Variants in MTMR3 observed in about 807,000 individuals in gnomAD.
MTMR3 encodes the protein myotubularin related protein 3.
In MTMR3, 32 loss-of-function variants were observed where a neutral mutation model predicts 132.4. The ratio of observed to expected loss-of-function variants is 0.24; its 90% confidence interval spans 0.18 to 0.32. The LOEUF (loss-of-function observed/expected upper bound fraction) is 0.32. MTMR3 is among the 10% of genes least tolerant of loss of function. MTMR3 has a pLI of 1.00. For synonymous variants in MTMR3, 556 were observed against 550.3 expected, an observed-to-expected ratio of 1.01 and a Z score of -0.14; for missense variants, 1,216 against 1,489.6, an observed-to-expected ratio of 0.82 and a Z score of 3.02.
intron 3 of MTMR3, among the ~76,000 whole-genome samples, chr22:29,977,152 C>T (rs1313657961): frequency 6.6e-6 from 1 of 152,058 alleles, no homozygotes; most frequent in African/African-American, 2.4e-5. Context: ...ATTAGCCTGG[C>T]ATGGTGGTGG....
At chr22:29,890,740 T>TA (rs1393758468) in intron 1 of MTMR3, among the ~76,000 whole-genome samples, 3 of 152,222 alleles carry the variant, frequency 2.0e-5, no homozygotes, top group Non-Finnish European at 1.5e-5. Context: ...CATCAGGACT[T>TA]ACTTCCATAG....
chr22:29,946,579 G>GA (rs1189728924), intron 1 of MTMR3, among the ~76,000 whole-genome samples: 1 of 152,192 alleles, frequency 6.6e-6, no homozygotes, highest in Non-Finnish European at 1.5e-5. Context: ...GAATCCGGAG[G>GA]AAATGATTTT....
At chr22:29,938,393 C>T (rs36594) in intron 1 of MTMR3, among the ~76,000 whole-genome samples, 119,035 of 152,212 alleles carry the variant, frequency 0.78, 46,981 homozygotes, top group East Asian at 0.91. Context: ...TGACTCATTC[C>T]TGAATTTCTC....
At position 29,970,957 on chromosome 22, in the gene MTMR3, TC is replaced by T; in HGVS notation, c.-84-18del. The T allele has an allele frequency of 7.8e-6, 2 of 256,388 alleles. No individual in the cohort carries two copies. The highest frequency in any genetic ancestry group is 5.2e-5 in the Admixed American group (1 of 19,276). 15.9% of individuals were successfully genotyped at this position (256,388 alleles called of 1,614,324 possible). The stretch of plus-strand genomic sequence containing the variant: ...CCTCTTTTTTTTTTCTTCTTCCCCC[TC>T]TTCCCCCCCACCCCCAGACTTCACC... On this transcript the variant is annotated intron_variant, in intron 2 of 19. Coordinates refer to ENST00000401950, the MANE Select transcript of MTMR3 (RefSeq NM_021090.4).
intron 1 of MTMR3, among the ~76,000 whole-genome samples, chr22:29,929,014 T>C (rs1351496246): frequency 6.6e-6 from 1 of 152,166 alleles, no homozygotes; most frequent in Non-Finnish European, 1.5e-5. Flanking sequence ...GCATGGTGGC[T>C]CATGCCTGTA....
At chr22:30,004,144 A>G (rs1484117313) in intron 9 of MTMR3, 4 of 152,230 alleles carry the variant, frequency 2.6e-5, no homozygotes, top group Non-Finnish European at 5.9e-5. Context: ...CTCAATTCTC[A>G]TCACTGTTGT....
At chr22:29,886,786 G>A (rs1039176917) in intron 1 of MTMR3, among the ~76,000 whole-genome samples, 1 of 152,178 alleles carries the variant, frequency 6.6e-6, no homozygotes, top group African/African-American at 2.4e-5. Flanking sequence ...TGCTTATGCT[G>A]TTGTAATTGG....
At chr22:29,962,124 T>G (rs547060844) in intron 2 of MTMR3, among the ~76,000 whole-genome samples, 68 of 152,244 alleles carry the variant, frequency 4.5e-4, no homozygotes, top group Admixed American at 1.2e-3. Context: ...TAGAGAACTG[T>G]CTGGATAGAC....
chr22:29,961,421 T>C (rs564002433), intron 2 of MTMR3, among the ~76,000 whole-genome samples: 1 of 152,270 alleles, frequency 6.6e-6, no homozygotes, highest in East Asian at 1.9e-4. Flanking sequence ...GAGGGATTTG[T>C]TATATTAATT....
At chr22:29,906,270 G>GTCTA in intron 1 of MTMR3, among the ~76,000 whole-genome samples, 1 of 104,292 alleles carries the variant, frequency 9.6e-6, no homozygotes, top group South Asian at 2.9e-4. Context: ...CTGTCTGTCT[G>GTCTA]TCTGTCTGTC....
chr22:30,030,647 G>GGGGGGGT lies in MTMR3; in HGVS notation c.*4847_*4848insGGGGGTG, dbSNP rs749927557. The GGGGGGGT allele has an allele frequency of 1.5e-3, 116 of 75,824 alleles. No homozygotes were observed. Among genetic ancestry groups the GGGGGGGT allele is most frequent in the Non-Finnish European group, 2.1e-3 (81 of 38,100 alleles). The allele number at this position is 75,824 out of a possible 1,614,324, so 4.7% of individuals were successfully genotyped here. A position where few individuals can be genotyped will look rare whatever the true frequency, so the allele number is the denominator to read the frequency against. On this transcript the variant is annotated 3_prime_UTR_variant, in exon 20 of 20. Transcript: ENST00000401950. ...CTCAGCGAGGAGGGGGCGGGGGGGG[G>GGGGGGGT]GTCACTATTTATCTTCCAGAGGCAG... is the stretch of plus-strand genomic sequence containing the variant.
intron 3 of MTMR3, among the ~76,000 whole-genome samples, chr22:29,972,991 T>C (rs189041889): frequency 6.6e-6 from 1 of 152,380 alleles, no homozygotes; most frequent in East Asian, 1.9e-4. Flanking sequence ...TCTCCCATGT[T>C]GATTCCTTGG....
intron 1 of MTMR3, among the ~76,000 whole-genome samples, chr22:29,954,247 A>G (rs2066144419): frequency 6.6e-6 from 1 of 151,698 alleles, no homozygotes; most frequent in African/African-American, 2.4e-5. Context: ...ATGGCTGGCT[A>G]ATTAAAAAAT....
At chr22:29,922,544 T>C (rs1044625136) in intron 1 of MTMR3, among the ~76,000 whole-genome samples, 3 of 152,208 alleles carry the variant, frequency 2.0e-5, no homozygotes, top group South Asian at 2.1e-4. Flanking sequence ...CATTTATCCA[T>C]TGATGGACAG....
intron 3 of MTMR3, among the ~76,000 whole-genome samples, chr22:29,974,494 T>G (rs1317377691): frequency 2.0e-5 from 3 of 152,246 alleles, no homozygotes; most frequent in Non-Finnish European, 4.4e-5. Context: ...TTTGTTTGAT[T>G]ATGAAAAATA....
chr22:30,018,378 T>C, intron 16 of MTMR3: 1 of 287,672 alleles, frequency 3.5e-6, no homozygotes, highest in Non-Finnish European at 6.4e-6. Flanking sequence ...CCCAGTGCTC[T>C]GTGCTCCTGC....
chr22:29,941,758 T>C (rs6006307), intron 1 of MTMR3, among the ~76,000 whole-genome samples: 1 of 152,340 alleles, frequency 6.6e-6, no homozygotes, highest in East Asian at 1.9e-4. Context: ...TGGGAAAATA[T>C]GTATGACATT....
chr22:29,917,806 C>G (rs1354154199), intron 1 of MTMR3, among the ~76,000 whole-genome samples: 1 of 152,066 alleles, frequency 6.6e-6, no homozygotes, highest in Non-Finnish European at 1.5e-5. Flanking sequence ...TTTTTGGTTT[C>G]CTTTTATACT....
Position 29,944,024 on chromosome 22 carries a change from G to T in MTMR3, c.-137-13012G>T, listed in dbSNP as rs1004267860. 2.0e-5 allele frequency among the ~76,000 whole-genome samples: 3 copies of T among 151,536 alleles called. 1 individual carries two copies. The highest frequency in any genetic ancestry group is 2.0e-4 in the Admixed American group (3 of 15,214). ...TGTAGAGATGGGATTTTGCCATGTT[G>T]CCTAGGCTGTTCTCGAACTTGTGAG... is the stretch of plus-strand genomic sequence containing the variant. On this transcript the variant is annotated intron_variant, in intron 1 of 19. Coordinates refer to ENST00000401950, the MANE Select transcript of MTMR3 (RefSeq NM_021090.4).
Sources: gnomAD v4.1 joint callset for allele counts (sites outside exome capture counted in the v4.1 genomes callset) on GRCh38, gnomAD v4.1.1 for gene constraint, MANE v1.5 for transcripts, NCBI Gene and HGNC (gene_info 2026-07-23, HGNC 2026-07-21) for gene names.